Variants in FRMD4A observed in about 807,000 individuals in gnomAD.
FRMD4A encodes the protein FERM domain-containing protein 4A.
A neutral mutation model predicts 129.1 loss-of-function variants in FRMD4A; 29 were observed. The observed-to-expected ratio is 0.22, with a 90% CI of 0.17 to 0.31. The LOEUF (loss-of-function observed/expected upper bound fraction) is 0.31, where lower values mean the gene tolerates loss of function less well. Among genes scored for constraint, FRMD4A ranks in the 10% least tolerant of loss-of-function variants. The probability of loss-of-function intolerance (pLI) is 1.00; values close to 1 mark genes in which losing one functional copy is unlikely to be tolerated. For missense variants in FRMD4A, 1,272 were observed against 1,375.8 expected (o/e 0.92, Z 1.19); for synonymous variants, 634 against 571.6 (o/e 1.11, Z -1.56).
intron 2 of FRMD4A, among the ~76,000 whole-genome samples, chr10:14,319,366 C>CTCTG (rs1461936137): frequency 6.8e-6 from 1 of 147,944 alleles, no homozygotes; most frequent in Non-Finnish European, 1.5e-5. Context: ...CTCTCTCTCT[C>CTCTG]TCACACACAC....
At chr10:14,188,929 C>T (rs962664281) in intron 2 of FRMD4A, among the ~76,000 whole-genome samples, 4 of 152,120 alleles carry the variant, frequency 2.6e-5, no homozygotes, top group African/African-American at 9.7e-5. Flanking sequence ...AACAAAATCC[C>T]GCCCAAAACA....
intron 2 of FRMD4A, among the ~76,000 whole-genome samples, chr10:14,095,417 T>C (rs1836898670): frequency 6.6e-6 from 1 of 152,240 alleles, no homozygotes; most frequent in Admixed American, 6.5e-5. Flanking sequence ...GGCCACTCAC[T>C]GATTTGATGC....
intron 2 of FRMD4A, among the ~76,000 whole-genome samples, chr10:14,328,725 C>T (rs1366157388): frequency 6.6e-6 from 1 of 151,772 alleles, no homozygotes; most frequent in Non-Finnish European, 1.5e-5. Flanking sequence ...GTCTCCTAGA[C>T]CCCATAGATA....
chr10:14,156,243 G>T (rs536756200), intron 2 of FRMD4A, among the ~76,000 whole-genome samples: 5 of 151,852 alleles, frequency 3.3e-5, no homozygotes, highest in Non-Finnish European at 5.9e-5. Context: ...CCCATGATGA[G>T]TGAATTACAA....
intron 2 of FRMD4A, among the ~76,000 whole-genome samples, chr10:14,246,374 AACACACAT>A (rs1194150469): frequency 1.4e-4 from 4 of 29,524 alleles, no homozygotes; most frequent in Admixed American, 1.1e-3. Context: ...GAAATAAGAA[AACACACAT>A]ACACACACAC....
intron 8 of FRMD4A, among the ~76,000 whole-genome samples, chr10:13,760,739 CTTTT>C (rs35243365): frequency 6.6e-6 from 1 of 152,120 alleles, no homozygotes; most frequent in Non-Finnish European, 1.5e-5. Context: ...ATCTGTGTTT[CTTTT>C]TAATACCAAT....
chr10:14,165,785 T>C (rs2131877049), intron 2 of FRMD4A, among the ~76,000 whole-genome samples: 1 of 152,248 alleles, frequency 6.6e-6, no homozygotes, highest in African/African-American at 2.4e-5. Flanking sequence ...TTCTCGCTTA[T>C]AAGTGGGAGA....
chr10:13,909,597 A>C (rs1165875515), intron 2 of FRMD4A, among the ~76,000 whole-genome samples: 2 of 152,246 alleles, frequency 1.3e-5, no homozygotes, highest in Non-Finnish European at 2.9e-5. Context: ...TTAAAAGATG[A>C]GTTAATTATT....
At chr10:13,910,179 C>T (rs1319474924) in intron 2 of FRMD4A, among the ~76,000 whole-genome samples, 4 of 152,198 alleles carry the variant, frequency 2.6e-5, no homozygotes, top group Non-Finnish European at 5.9e-5. Context: ...CAATAAAATG[C>T]AGGAGTGATA....
Position 14,129,388 on chromosome 10 carries a change from A to ATATATG in FRMD4A, c.45+200669_45+200670insCATATA, listed in dbSNP as rs1306058213. 6.3e-4 allele frequency among the ~76,000 whole-genome samples: 82 copies of ATATATG among 130,016 alleles called. 1 individual carries two copies. The highest frequency in any genetic ancestry group is 1.0e-3 in the Non-Finnish European group (63 of 62,888). The allele number at this position is 130,016 out of a possible 152,430, so 85.3% of individuals were successfully genotyped here. Reference sequence around the variant, plus strand: ...TTATGATTCATATATATATATATATATATATATATATATATATATAAAAAA... The same window carrying ATATATG: ...TTATGATTCATATATATATATATATATATATGTATATATATATATATATATAAAAAA... On this transcript the variant is annotated intron_variant, in intron 2 of 24. Coordinates refer to ENST00000357447, the MANE Select transcript of FRMD4A (RefSeq NM_018027.5).
At chr10:14,126,246 G>A (rs1446609141) in intron 2 of FRMD4A, among the ~76,000 whole-genome samples, 1 of 142,004 alleles carries the variant, frequency 7.0e-6, no homozygotes, top group Admixed American at 7.5e-5. Context: ...TCTTGGCTCA[G>A]TGCAACCTCT....
intron 2 of FRMD4A, among the ~76,000 whole-genome samples, chr10:14,071,351 A>C (rs1835309567): frequency 6.6e-6 from 1 of 152,228 alleles, no homozygotes; most frequent in African/African-American, 2.4e-5. Flanking sequence ...CTCTAAACAG[A>C]GTTCATATTA....
intron 3 of FRMD4A, among the ~76,000 whole-genome samples, chr10:13,836,073 C>T (rs1208259873): frequency 2.0e-5 from 3 of 152,218 alleles, no homozygotes; most frequent in Non-Finnish European, 2.9e-5. Flanking sequence ...TCTCAGCTCA[C>T]TGCAGCCTCT....
At chr10:13,764,908 C>A (rs572132251) in intron 6 of FRMD4A, among the ~76,000 whole-genome samples, 1 of 152,146 alleles carries the variant, frequency 6.6e-6, no homozygotes, top group East Asian at 1.9e-4. Flanking sequence ...GCCTTAATGG[C>A]ACTTAAGGGG....
intron 2 of FRMD4A, among the ~76,000 whole-genome samples, chr10:14,122,105 C>A (rs1838558010): frequency 6.6e-6 from 1 of 152,224 alleles, no homozygotes; most frequent in African/African-American, 2.4e-5. Context: ...TGTCTCTGAG[C>A]AAATTACCTA....
intron 2 of FRMD4A, among the ~76,000 whole-genome samples, chr10:14,127,958 CTT>C (rs750085765): frequency 0.035 from 1,161 of 33,340 alleles, 39 homozygotes; most frequent in African/African-American, 0.039. Flanking sequence ...TTCTTTCTTT[CTT>C]TCTTTCTTTC....
At chr10:14,084,468 C>A (rs1052749147) in intron 2 of FRMD4A, among the ~76,000 whole-genome samples, 3 of 152,036 alleles carry the variant, frequency 2.0e-5, no homozygotes, top group African/African-American at 7.3e-5. Context: ...TTAATATATA[C>A]CCTCCTGTAC....
intron 2 of FRMD4A, chr10:13,891,789 C>G: frequency 1.0e-6 from 1 of 970,336 alleles, no homozygotes; most frequent in Non-Finnish European, 1.2e-6. Context: ...CCGCCCCCGC[C>G]GCGGGCCCTC....
chr10:13,854,586 AT>A (rs34618985), intron 3 of FRMD4A, among the ~76,000 whole-genome samples: 4,012 of 130,446 alleles, frequency 0.031, 125 homozygotes, highest in African/African-American at 0.089. Flanking sequence ...ACACCGAGCT[AT>A]TTTTTTTTTT....
Sources: gnomAD v4.1 joint callset for allele counts (sites outside exome capture counted in the v4.1 genomes callset) on GRCh38, gnomAD v4.1.1 for gene constraint, MANE v1.5 for transcripts, NCBI Gene and HGNC (gene_info 2026-07-23, HGNC 2026-07-21) for gene names.